The following SPATA13 variants were observed in gnomAD, a reference collection of about 807,000 sequenced individuals.
SPATA13 encodes spermatogenesis-associated protein 13.
SPATA13 carries 50 observed loss-of-function variants against 104.0 expected under a neutral mutation model. The observed-to-expected ratio is 0.48, with a 90% CI of 0.38 to 0.61. The LOEUF (loss-of-function observed/expected upper bound fraction) is 0.61. SPATA13 is among the 20% of genes least tolerant of loss of function. The pLI, the probability that SPATA13 is intolerant of heterozygous loss-of-function variation, is 0.00. For synonymous variants in SPATA13, 606 were observed against 667.5 expected, an observed-to-expected ratio of 0.91 and a Z score of 1.42; for missense variants, 1,524 against 1,690.6, an observed-to-expected ratio of 0.90 and a Z score of 1.73.
chr13:24,302,377 G>A (rs1248922698), intron 12 of SPATA13, among the ~76,000 whole-genome samples: 3 of 147,248 alleles, frequency 2.0e-5, no homozygotes, highest in South Asian at 2.1e-4. Flanking sequence ...TGGGAGGATC[G>A]CTTGAGCCTG....
intron 4 of SPATA13, chr13:24,271,008 TC>T (rs1874559950): frequency 7.4e-6 from 6 of 814,654 alleles, no homozygotes. Context: ...TCTCTCTCTC[TC>T]CACTCTCTCT....
chr13:24,094,130 G>A (rs944922963), intron 3 of SPATA13, among the ~76,000 whole-genome samples: 4 of 152,192 alleles, frequency 2.6e-5, no homozygotes, highest in African/African-American at 9.7e-5. Flanking sequence ...ACAGGTTTGT[G>A]GGGGGCACAT....
At chr13:24,099,702 C>A (rs768343170) in intron 3 of SPATA13, among the ~76,000 whole-genome samples, 1 of 152,180 alleles carries the variant, frequency 6.6e-6, no homozygotes, top group Admixed American at 6.5e-5. Context: ...AGAGGATGAG[C>A]GCCATGTGAT....
chr13:24,269,882 C>G (rs1874484448), intron 4 of SPATA13, among the ~76,000 whole-genome samples: 1 of 150,860 alleles, frequency 6.6e-6, no homozygotes, highest in Non-Finnish European at 1.5e-5. Context: ...AGCTACCTTG[C>G]CCAGACCTAA....
At chr13:24,275,070 A>G (rs79690499) in intron 4 of SPATA13, among the ~76,000 whole-genome samples, 2,686 of 151,970 alleles carry the variant, frequency 0.018, 75 homozygotes, top group African/African-American at 0.061. Flanking sequence ...TGTCTTCTCT[A>G]ACTGTATTTG....
chr13:24,074,912 G>C (rs1879278804), intron 3 of SPATA13, among the ~76,000 whole-genome samples: 1 of 152,212 alleles, frequency 6.6e-6, no homozygotes, highest in Non-Finnish European at 1.5e-5. Flanking sequence ...GCTGGGTGCA[G>C]TTTGGCATTT....
chr13:24,159,552 C>T (rs528179032), upstream of SPATA13, among the ~76,000 whole-genome samples: 16 of 152,284 alleles, frequency 1.1e-4, no homozygotes, highest in African/African-American at 3.6e-4. Flanking sequence ...TCGAGTGGCA[C>T]ATGTGTTATG....
At chr13:24,093,783 A>C (rs1435023459) in intron 3 of SPATA13, among the ~76,000 whole-genome samples, 1 of 152,190 alleles carries the variant, frequency 6.6e-6, no homozygotes, top group Admixed American at 6.6e-5. Flanking sequence ...ACAGGGGAAA[A>C]GATCTAGGCT....
At chr13:24,139,432 A>T (rs1394026779) in intron 3 of SPATA13, among the ~76,000 whole-genome samples, 1 of 152,182 alleles carries the variant, frequency 6.6e-6, no homozygotes, top group Admixed American at 6.5e-5. Flanking sequence ...GACAGAGAAG[A>T]AGCAAAAACC....
chr13:24,018,678 C>A (rs1023295272), intron 3 of SPATA13, among the ~76,000 whole-genome samples: 2 of 152,180 alleles, frequency 1.3e-5, no homozygotes, highest in African/African-American at 4.8e-5. Context: ...TTGATCTGCA[C>A]CATAGGCCTC....
intron 1 of SPATA13, among the ~76,000 whole-genome samples, chr13:24,177,806 C>A (rs899338092): frequency 2.6e-5 from 4 of 152,104 alleles, no homozygotes; most frequent in Admixed American, 2.6e-4. Flanking sequence ...ATGATCTAAT[C>A]ACCTTCTAAA....
intron 1 of SPATA13, among the ~76,000 whole-genome samples, chr13:24,211,817 C>A (rs373161710): frequency 1.3e-5 from 2 of 152,288 alleles, no homozygotes; most frequent in South Asian, 2.1e-4. Context: ...TAGGCTCCCC[C>A]ACCCTGTCCC....
intron 3 of SPATA13, among the ~76,000 whole-genome samples, chr13:24,135,813 A>G (rs1881547460): frequency 6.6e-6 from 1 of 152,042 alleles, no homozygotes; most frequent in Non-Finnish European, 1.5e-5. Context: ...AGGAAATGCC[A>G]GTGTATTTAC....
chr13:24,082,978 C>T (rs1879591758), intron 3 of SPATA13, among the ~76,000 whole-genome samples: 1 of 152,028 alleles, frequency 6.6e-6, no homozygotes, highest in Non-Finnish European at 1.5e-5. Flanking sequence ...GTAATTTTGC[C>T]AAGTGCTTCT....
chr13:24,210,538 C>G (rs999340328), intron 1 of SPATA13, among the ~76,000 whole-genome samples: 2 of 151,908 alleles, frequency 1.3e-5, no homozygotes, highest in African/African-American at 4.8e-5. Context: ...ATTCTTGGTG[C>G]CTTTGTTGAA....
intron 3 of SPATA13, among the ~76,000 whole-genome samples, chr13:24,050,931 C>T (rs1330289940): frequency 6.6e-6 from 1 of 152,204 alleles, no homozygotes; most frequent in African/African-American, 2.4e-5. Context: ...AAAGAATGTG[C>T]TATTTGCTGA....
At chr13:24,038,149 G>A (rs1593292853) in intron 3 of SPATA13, among the ~76,000 whole-genome samples, 4 of 151,996 alleles carry the variant, frequency 2.6e-5, no homozygotes, top group South Asian at 2.1e-4. Flanking sequence ...TCCTGACCTC[G>A]TGATCCGCCT....
chr13:24,298,182 A>G (rs1030205494), intron 11 of SPATA13, among the ~76,000 whole-genome samples: 1 of 152,136 alleles, frequency 6.6e-6, no homozygotes, highest in African/African-American at 2.4e-5. Context: ...CCAGAGATGG[A>G]ACCCCACTAT....
chr13:24,261,285 C>T (rs377695443), intron 4 of SPATA13, among the ~76,000 whole-genome samples: 9 of 152,158 alleles, frequency 5.9e-5, no homozygotes, highest in Non-Finnish European at 8.8e-5. Flanking sequence ...AGCAGCCATC[C>T]GTGCTGCCTC....
Sources: allele counts gnomAD v4.1 joint callset (sites outside exome capture counted in the v4.1 genomes callset), GRCh38; gene constraint gnomAD v4.1.1; transcripts MANE v1.5; gene names NCBI Gene and HGNC (gene_info 2026-07-23, HGNC 2026-07-21).